RCN1: variants seen among roughly 807,000 people sequenced by gnomAD.
The protein encoded by RCN1 is reticulocalbin 1.
Under a neutral mutation model 34.7 loss-of-function variants are expected in RCN1, and 14 were observed. The ratio of observed to expected loss-of-function variants is 0.40; its 90% CI spans 0.27 to 0.63. The LOEUF (loss-of-function observed/expected upper bound fraction) is 0.63. Ranked by LOEUF, RCN1 falls within the 30% of genes least tolerant of loss-of-function variation. The probability of loss-of-function intolerance (pLI) is 0.37; values close to 1 mark genes in which losing one functional copy is unlikely to be tolerated. For synonymous variants in RCN1, 125 were observed against 165.5 expected (o/e 0.76, Z 1.88); for missense variants, 326 against 425.1 (o/e 0.77, Z 2.05).
chr11:32,095,113 G>A (rs1851958169), intron 1 of RCN1, among the ~76,000 whole-genome samples: 1 of 152,152 alleles, frequency 6.6e-6, no homozygotes, highest in South Asian at 2.1e-4. Context: ...TCTCCACTGT[G>A]TCCCCAGGAT....
intron 5 of RCN1, 145 bp from the exon 6 acceptor site, chr11:32,104,220 G>A: frequency 3.4e-6 from 2 of 583,176 alleles, no homozygotes; most frequent in East Asian, 5.8e-5. Flanking sequence ...TGCAGTCATG[G>A]TAGATGAAGG....
rs1244964315 is a variant in RCN1, at chr11:32,105,561, T to C, written c.*1089T>C. On this transcript the variant is annotated 3_prime_UTR_variant, in exon 6 of 6. Transcript: ENST00000054950. ...TCTACTGTGTCCTGTGGTGTTTGAC[T>C]TCACAGATGCTATTTGTGACATTAT... is the stretch of plus-strand genomic sequence containing the variant. 6.6e-6 allele frequency: 1 copy of C among 152,220 alleles called. No homozygotes were observed. The highest frequency in any genetic ancestry group is 1.5e-5 in the Non-Finnish European group (1 of 68,046). The allele number at this position is 152,220 out of a possible 1,614,324, so 9.4% of individuals were successfully genotyped here.
chr11:32,099,495 G>A (rs1166664079), intron 3 of RCN1, among the ~76,000 whole-genome samples: 3 of 152,198 alleles, frequency 2.0e-5, no homozygotes, highest in Non-Finnish European at 4.4e-5. Context: ...TACCCTTAGC[G>A]GGTGGGTCTT....
chr11:32,097,454 T>C, intron 2 of RCN1, 117 bp downstream of exon 2: 1 of 616,584 alleles, frequency 1.6e-6, no homozygotes, highest in Non-Finnish European at 2.6e-6. Flanking sequence ...GCCTCCTAAG[T>C]AGAACCTGCT....
Position 32,091,218 on chromosome 11 carries a change from C to A in RCN1, c.22C>A (p.Arg8Ser). ...GACGATGGCGCGCGGTGGCCGCGGCCGCCGCCTGGGGTTAGCCCTGGGGCT... is the reference window on the plus strand; with the variant it reads ...GACGATGGCGCGCGGTGGCCGCGGCAGCCGCCTGGGGTTAGCCCTGGGGCT... MARGGRGRRLGLALGLLL... is the reference protein window; with the variant it reads MARGGRGSRLGLALGLLL... The change falls in exon 1 of 6, where the codon CGC becomes AGC. Residue 8 changes from arginine to serine, a missense_variant. Transcript: ENST00000054950. 1 of 1,447,930 alleles carries A rather than the reference C, an allele frequency of 6.9e-7. No homozygotes were observed. The highest frequency in any genetic ancestry group is 9.0e-7 in the Non-Finnish European group (1 of 1,108,176). 89.7% of individuals were successfully genotyped at this position (1,447,930 alleles called of 1,614,324 possible).
intron 4 of RCN1, 106 bp from the exon 5 acceptor site, chr11:32,103,175 G>T: frequency 1.1e-6 from 1 of 907,140 alleles, no homozygotes; most frequent in East Asian, 2.5e-5. Flanking sequence ...TCTCTGGATT[G>T]GTTGTCGCCT....
chr11:32,099,369 G>C (rs1216589590), intron 3 of RCN1, among the ~76,000 whole-genome samples: 1 of 152,002 alleles, frequency 6.6e-6, no homozygotes, highest in Non-Finnish European at 1.5e-5. Context: ...CAACTAGCTA[G>C]TCTCTGCCCC....
In RCN1 at chr11:32,104,639, A is replaced by G; in HGVS notation, c.*167A>G. The G allele has an allele frequency of 1.9e-6, 1 of 532,832 alleles. No homozygotes were observed. The allele number at this position is 532,832 out of a possible 1,614,324, so 33.0% of individuals were successfully genotyped here. ...TCGCTCAGTATTTACTGGAAAATGG[A>G]CATCACTAGTCTTTCAGTAAGATTT... On this transcript the variant is annotated 3_prime_UTR_variant, in exon 6 of 6. Transcript: ENST00000054950.
Position 32,093,289 on chromosome 11 carries a change from A to G in RCN1, c.254+1839A>G, listed in dbSNP as rs577815579. ...TCATTCATTTATTCATGCAACAAACATTTGAATGGCTACTGTGTACCAGGC... is the reference window on the plus strand; with the variant it reads ...TCATTCATTTATTCATGCAACAAACGTTTGAATGGCTACTGTGTACCAGGC... On this transcript the variant is annotated intron_variant, in intron 1 of 5. Coordinates refer to ENST00000054950, the MANE Select transcript of RCN1 (RefSeq NM_002901.4). Among the ~76,000 whole-genome samples the G allele has an allele frequency of 4.5e-4, 69 of 152,358 alleles. No homozygotes were observed. In the South Asian group the frequency reaches 7.2e-3, roughly 16 times the overall value.
intron 5 of RCN1, 140 bp downstream of exon 5, chr11:32,103,620 C>T: frequency 1.4e-6 from 1 of 724,586 alleles, no homozygotes; most frequent in Admixed American, 2.5e-5. Flanking sequence ...CAGTGGAGAC[C>T]TGTAAACTTG....
At chr11:32,092,189 C>T (rs1043395504) in intron 1 of RCN1, among the ~76,000 whole-genome samples, 2 of 152,136 alleles carry the variant, frequency 1.3e-5, no homozygotes, top group African/African-American at 2.4e-5. Flanking sequence ...CGCCTGTAAT[C>T]CCAGCTACTT....
intron 3 of RCN1, among the ~76,000 whole-genome samples, chr11:32,099,725 G>A (rs1487036025): frequency 3.9e-5 from 6 of 152,188 alleles, no homozygotes; most frequent in African/African-American, 1.2e-4. Flanking sequence ...TTGTTTACAC[G>A]AGCTGTGGAT....
At chr11:32,094,470 C>T (rs998944451) in intron 1 of RCN1, among the ~76,000 whole-genome samples, 12 of 152,182 alleles carry the variant, frequency 7.9e-5, no homozygotes, top group African/African-American at 9.7e-5. Flanking sequence ...CCCTATTTGG[C>T]GGCTAGCAGG....
chr11:32,098,650 A>G, intron 3 of RCN1, 122 bp downstream of exon 3: 1 of 828,504 alleles, frequency 1.2e-6, no homozygotes, highest in Non-Finnish European at 1.8e-6. Context: ...ACTCTGAAGT[A>G]GAGTTTGTTG....
intron 1 of RCN1, among the ~76,000 whole-genome samples, chr11:32,095,813 C>T (rs1405827820): frequency 6.6e-6 from 1 of 152,210 alleles, no homozygotes; most frequent in African/African-American, 2.4e-5. Flanking sequence ...ACCTCAGCCT[C>T]CTGAAGCACT....
At chr11:32,099,456 A>G (rs966829279) in intron 3 of RCN1, among the ~76,000 whole-genome samples, 3 of 152,228 alleles carry the variant, frequency 2.0e-5, no homozygotes, top group Non-Finnish European at 2.9e-5. Flanking sequence ...ATGGAAATGT[A>G]AAGTAAAAAT....
rs954810959 is a variant in RCN1, at chr11:32,104,615, C to T, written c.*143C>T. 1.9e-5 allele frequency: 11 copies of T among 571,100 alleles called. No homozygotes were observed. Among genetic ancestry groups the T allele is most frequent in the Admixed American group, 3.1e-5 (1 of 32,214 alleles). 35.4% of individuals were successfully genotyped at this position (571,100 alleles called of 1,614,324 possible). A position where few individuals can be genotyped will look rare whatever the true frequency, so the allele number is the denominator to read the frequency against. ...AGATTGGGGTATAAAAATTGTTTTT[C>T]GCTCAGTATTTACTGGAAAATGGAC... On this transcript the variant is annotated 3_prime_UTR_variant, in exon 6 of 6. Coordinates refer to ENST00000054950, the MANE Select transcript of RCN1 (RefSeq NM_002901.4).
intron 1 of RCN1, among the ~76,000 whole-genome samples, chr11:32,093,757 G>A (rs1851944214): frequency 6.6e-6 from 1 of 152,170 alleles, no homozygotes; most frequent in African/African-American, 2.4e-5. Context: ...CCTGTACATT[G>A]TCAAAATGTC....
intron 4 of RCN1, chr11:32,102,497 C>T (rs1045724209): frequency 3.9e-5 from 6 of 152,398 alleles, no homozygotes; most frequent in African/African-American, 1.4e-4. Context: ...TCTCTCTTTT[C>T]CAAGAGCTAC....
Sources: gnomAD v4.1 joint callset for allele counts (sites outside exome capture counted in the v4.1 genomes callset) on GRCh38, gnomAD v4.1.1 for gene constraint, MANE v1.5 for transcripts, NCBI Gene and HGNC (gene_info 2026-07-23, HGNC 2026-07-21) for gene names.